Variants in PRR12 observed in about 807,000 individuals in gnomAD.
The protein encoded by PRR12 is proline rich 12.
In PRR12, 12 loss-of-function variants were observed where a neutral mutation model predicts 138.0. That is an observed-to-expected ratio of 0.09 (90% CI 0.06 to 0.14). The LOEUF (loss-of-function observed/expected upper bound fraction) is 0.14. Ranked by LOEUF, PRR12 falls within the 10% of genes least tolerant of loss-of-function variation. The pLI is 1.00. For missense variants in PRR12, 2,692 were observed against 2,861.3 expected (o/e 0.94, Z 1.35); for synonymous variants, 1,567 against 1,291.7 (o/e 1.21, Z -4.57).
At chr19:49,623,088 C>G (rs192051047) in intron 11 of PRR12, among the ~76,000 whole-genome samples, 4 of 151,628 alleles carry the variant, frequency 2.6e-5, no homozygotes, top group Admixed American at 6.6e-5. Context: ...GTGGAGAAAT[C>G]TAAGCTGGAA....
In PRR12 at chr19:49,595,618, C is replaced by T; in HGVS notation, c.1283C>T (p.Ala428Val). Reference sequence around the variant, plus strand: ...CTGGGTGGGCCAGCAGCCGCCTATGCCACTGGGAAGGCCTCTGGGGCTGGA... The same window carrying T: ...CTGGGTGGGCCAGCAGCCGCCTATGTCACTGGGAAGGCCTCTGGGGCTGGA... Reference protein sequence around the residue: ...QSLGGPAAAYATGKASGAGGA... With the variant: ...QSLGGPAAAYVTGKASGAGGA... The change falls in exon 4 of 14, where the codon GCC becomes GTC. Residue 428 changes from alanine (A) to valine (V), a missense_variant. Ala to Val is a moderately conservative substitution (Grantham distance 64). Coordinates refer to ENST00000418929, the MANE Select transcript of PRR12 (RefSeq NM_020719.3). The T allele has an allele frequency of 6.2e-7, 1 of 1,607,980 alleles. No individual in the cohort carries two copies. The highest frequency in any genetic ancestry group is 1.7e-5 in the Admixed American group (1 of 59,482).
intron 6 of PRR12, among the ~76,000 whole-genome samples, chr19:49,607,226 C>T (rs1308049497): frequency 1.3e-5 from 2 of 152,134 alleles, no homozygotes; most frequent in Admixed American, 6.6e-5. Flanking sequence ...CGGTGGCTCA[C>T]ACCTGTAATC....
rs753261157 is a variant in PRR12 at position 49,597,494 on chromosome 19, C to T, written c.3159C>T (p.Ser1053=). ...PPPPPPPAPA[S]EPKGGLTSPI... ...CACCGCCGCCTCCCGCGCCGGCCTC[C>T]GAACCCAAGGGTGGCCTCACCTCGC... The change falls in exon 4 of 14, where the codon TCC becomes TCT. Residue 1053 remains serine, a synonymous_variant. Coordinates refer to ENST00000418929, the MANE Select transcript of PRR12 (RefSeq NM_020719.3). The surrounding 1 kb of genome is among the most constrained non-coding windows in gnomAD (Gnocchi z 6.3). 56 of 1,550,034 alleles carry T rather than the reference C, an allele frequency of 3.6e-5. No individual in the cohort carries two copies. Among genetic ancestry groups the T allele is most frequent in the Non-Finnish European group, 4.3e-5 (49 of 1,148,520 alleles).
Position 49,625,371 on chromosome 19 carries a change from C to A in PRR12, c.5965-90C>A. On this transcript the variant is annotated intron_variant, in intron 13 of 13. Coordinates refer to ENST00000418929, the MANE Select transcript of PRR12 (RefSeq NM_020719.3). This position sits in a 1 kb window ranked among gnomAD's most constrained non-coding sequence, Gnocchi z 5.5. ...AGCCCTGGTCTCCCTGGGACACTGA[C>A]ATCTGACACCCCAGGCCCCATGCCC... 1.4e-6 allele frequency: 2 copies of A among 1,454,416 alleles called. No individual in the cohort carries two copies. Among genetic ancestry groups the A allele is most frequent in the Non-Finnish European group, 1.9e-6 (2 of 1,078,470 alleles). 90.1% of individuals were successfully genotyped at this position (1,454,416 alleles called of 1,614,324 possible).
rs968534901 is a variant in PRR12, at chr19:49,614,405, T to C, written c.4774-128T>C. 1 of 628,912 alleles carries C rather than the reference T, an allele frequency of 1.6e-6. No individual in the cohort carries two copies. Among genetic ancestry groups the C allele is most frequent in the Non-Finnish European group, 2.7e-6 (1 of 367,840 alleles). The allele number at this position is 628,912 out of a possible 1,614,324, so 39.0% of individuals were successfully genotyped here. A position where few individuals can be genotyped will look rare whatever the true frequency, so the allele number is the denominator to read the frequency against. Reference sequence around the variant, plus strand: ...GAACACATCATGGGGGTAGAAGATATTTGTTGTTGACGTGTCTGCCTTTTC... The same window carrying C: ...GAACACATCATGGGGGTAGAAGATACTTGTTGTTGACGTGTCTGCCTTTTC... On this transcript the variant is annotated intron_variant, in intron 6 of 13. Coordinates refer to ENST00000418929, the MANE Select transcript of PRR12 (RefSeq NM_020719.3). This position sits in a 1 kb window ranked among gnomAD's most constrained non-coding sequence, Gnocchi z 5.0.
chr19:49,609,580 C>A (rs1183771728), intron 6 of PRR12, among the ~76,000 whole-genome samples: 2 of 145,656 alleles, frequency 1.4e-5, no homozygotes, highest in Non-Finnish European at 3.0e-5. Flanking sequence ...CAGCCTGGGC[C>A]ACAGAGTGAG....
chr19:49,610,573 C>T (rs1052395859), intron 6 of PRR12, among the ~76,000 whole-genome samples: 76 of 96,768 alleles, frequency 7.9e-4, no homozygotes, highest in Admixed American at 2.7e-3. Context: ...GATGGAGTCT[C>T]GCTCTGTTGC....
At chr19:49,611,997 C>T (rs1299162805) in intron 6 of PRR12, among the ~76,000 whole-genome samples, 1 of 150,266 alleles carries the variant, frequency 6.7e-6, no homozygotes, top group East Asian at 2.0e-4. Flanking sequence ...CTTTGGGAGG[C>T]CCAGGCGGGC....
At position 49,591,742 on chromosome 19, in the gene PRR12, TA is replaced by T; in HGVS notation, c.86+4del. 1 of 1,483,024 alleles carries T rather than the reference TA, an allele frequency of 6.7e-7. No individual in the cohort carries two copies. The allele number at this position is 1,483,024 out of a possible 1,614,324, so 91.9% of individuals were successfully genotyped here. ...TTACGAGAGGTCAGCGAAAGCTAGG[TA>T]AGGAGCTGAGGGTGGCCTAGAGAAG... On this transcript the variant is annotated splice_donor_region_variant and intron_variant, in intron 1 of 13. Coordinates refer to ENST00000418929, the MANE Select transcript of PRR12 (RefSeq NM_020719.3).
At chr19:49,624,482 G>A (rs1300573665) in intron 11 of PRR12, among the ~76,000 whole-genome samples, 364 of 80,576 alleles carry the variant, frequency 4.5e-3, no homozygotes, top group Middle Eastern at 0.022. Context: ...GATGGGGCTG[G>A]GAATTCTGGG....
At chr19:49,600,794 C>T (rs941569425) in intron 5 of PRR12, among the ~76,000 whole-genome samples, 13 of 152,018 alleles carry the variant, frequency 8.6e-5, no homozygotes, top group South Asian at 2.1e-4. Context: ...CTCTGCCTTC[C>T]GCTCACCGCA....
rs142237232 is a variant in PRR12, at chr19:49,603,627, G to C, written c.4773+1709G>C. ...GGATCACTTGAACTCTGGGGTGGAGGGGGGAGGTTGCAGTGAGCTGAGATT... is the reference window on the plus strand; with the variant it reads ...GGATCACTTGAACTCTGGGGTGGAGCGGGGAGGTTGCAGTGAGCTGAGATT... On this transcript the variant is annotated intron_variant, in intron 6 of 13. Coordinates refer to ENST00000418929, the MANE Select transcript of PRR12 (RefSeq NM_020719.3). 9.4e-4 allele frequency among the ~76,000 whole-genome samples: 143 copies of C among 152,152 alleles called. 1 individual carries two copies. In the East Asian group the frequency reaches 0.024, roughly 25 times the overall value.
chr19:49,601,311 T>C (rs2080808611), intron 5 of PRR12, among the ~76,000 whole-genome samples, 180 bp from the exon 6 acceptor site: 1 of 151,726 alleles, frequency 6.6e-6, no homozygotes, highest in Non-Finnish European at 1.5e-5. Context: ...CAGGTCTCCT[T>C]TGCAGCCGCA....
At chr19:49,621,845 G>A (rs1001495996) in intron 11 of PRR12, 5 of 561,218 alleles carry the variant, frequency 8.9e-6, no homozygotes, top group African/African-American at 7.5e-5. Context: ...CAGCAGAGGG[G>A]TGGTTGTGAA....
chr19:49,593,320 C>G lies in PRR12; in HGVS notation c.87-7C>G. 6.5e-7 allele frequency: 1 copy of G among 1,534,298 alleles called. No individual in the cohort carries two copies. The highest frequency in any genetic ancestry group is 9.0e-7 in the Non-Finnish European group (1 of 1,112,386). On this transcript the variant is annotated splice_polypyrimidine_tract_variant and splice_region_variant and intron_variant, in intron 1 of 13. Coordinates refer to ENST00000418929, the MANE Select transcript of PRR12 (RefSeq NM_020719.3). ...AGAACCCCCTGACGTCTCCCCTTTCCCCCCAGCTTGGTTTATGGCAGCTCC... is the reference window on the plus strand; with the variant it reads ...AGAACCCCCTGACGTCTCCCCTTTCGCCCCAGCTTGGTTTATGGCAGCTCC...
chr19:49,620,476 T>C lies in PRR12; in HGVS notation c.5622T>C (p.His1874=). 1 of 1,516,962 alleles carries C rather than the reference T, an allele frequency of 6.6e-7. No individual in the cohort carries two copies. The highest frequency in any genetic ancestry group is 8.9e-7 in the Non-Finnish European group (1 of 1,124,518). The allele number at this position is 1,516,962 out of a possible 1,614,324, so 94.0% of individuals were successfully genotyped here. A position where few individuals can be genotyped will look rare whatever the true frequency, so the allele number is the denominator to read the frequency against. Residue 1874 remains histidine (H), a splice_region_variant and synonymous_variant, in exon 10 of 14, where the codon CAT becomes CAC. Transcript: ENST00000418929. ...PDMIQALEDT[H]DELYLPPMRK... ...TGATCCAGGCCCTGGAGGACACGCA[T>C]GGTGAGCTGAGGCCTGGGGAGGAGG...
At chr19:49,593,535 G>A (rs1208562237) in intron 2 of PRR12, 96 bp downstream of exon 2, 3 of 631,922 alleles carry the variant, frequency 4.7e-6, no homozygotes, top group East Asian at 2.9e-5. Context: ...CTAATTGGCC[G>A]TGGCCCGTGC....
rs759796353 is a variant in PRR12, at chr19:49,594,767, C to G, written c.432C>G (p.Ser144=). The G allele has an allele frequency of 1.2e-6, 2 of 1,613,544 alleles. No individual in the cohort carries two copies. The highest frequency in any genetic ancestry group is 1.7e-6 in the Non-Finnish European group (2 of 1,179,826). ...TGCCGGGTTCCAGCACCTTTCCGTCCTCATCTGCCCTGTCGGCTTACCAAC... is the reference window on the plus strand; with the variant it reads ...TGCCGGGTTCCAGCACCTTTCCGTCGTCATCTGCCCTGTCGGCTTACCAAC... ...GALPGSSTFP[S]SSALSAYQHP... The change falls in exon 4 of 14, where the codon TCC becomes TCG. Residue 144 remains serine, a synonymous_variant. Transcript: ENST00000418929. This position sits in a 1 kb window ranked among gnomAD's most constrained non-coding sequence, Gnocchi z 5.6.
intron 8 of PRR12, 53 bp from the exon 9 acceptor site, chr19:49,615,694 A>G: frequency 6.7e-7 from 1 of 1,483,380 alleles, no homozygotes; most frequent in Non-Finnish European, 9.3e-7. Flanking sequence ...CCCTGAGGAG[A>G]ATTTGGATTA....
Sources: allele counts gnomAD v4.1 joint callset (sites outside exome capture counted in the v4.1 genomes callset), GRCh38; gene constraint gnomAD v4.1.1; non-coding constraint Gnocchi (gnomAD v3.1); transcripts MANE v1.5; gene names NCBI Gene and HGNC (gene_info 2026-07-23, HGNC 2026-07-21).